EPB41L4B: variants seen among roughly 807,000 people sequenced by gnomAD.
EPB41L4B encodes erythrocyte membrane protein band 4.1 like 4B, also known as band 4.1-like protein 4B.
Under a neutral mutation model 112.5 loss-of-function variants are expected in EPB41L4B, and 30 were observed. The ratio of observed to expected loss-of-function variants is 0.27; its 90% CI spans 0.20 to 0.36. EPB41L4B has a LOEUF of 0.36. EPB41L4B is among the 10% of genes least tolerant of loss of function. The pLI is 1.00. For synonymous variants in EPB41L4B, 408 were observed against 439.7 expected (o/e 0.93, Z 0.90); for missense variants, 1,024 against 1,133.3 (o/e 0.90, Z 1.38).
At chr9:109,255,454 A>C (rs1834941046) in intron 11 of EPB41L4B, 57 bp downstream of exon 11, 2 of 1,592,512 alleles carry the variant, frequency 1.3e-6, no homozygotes, top group African/African-American at 1.3e-5. Flanking sequence ...ACAAGAAAGA[A>C]ATCACAGTTG....
At chr9:109,301,437 G>A (rs1438786325) in intron 1 of EPB41L4B, among the ~76,000 whole-genome samples, 1 of 152,074 alleles carries the variant, frequency 6.6e-6, no homozygotes, top group Admixed American at 6.5e-5. Flanking sequence ...ATGGACTGGT[G>A]TACCCCACAC....
intron 2 of EPB41L4B, among the ~76,000 whole-genome samples, chr9:109,274,388 A>C (rs1396280247): frequency 6.6e-6 from 1 of 151,842 alleles, no homozygotes; most frequent in Non-Finnish European, 1.5e-5. Context: ...ATCAGTGTTC[A>C]CCCTTTCTCT....
At chr9:109,259,561 C>A (rs1015189962) in intron 6 of EPB41L4B, among the ~76,000 whole-genome samples, 5 of 152,190 alleles carry the variant, frequency 3.3e-5, no homozygotes, top group Non-Finnish European at 4.4e-5. Flanking sequence ...ACAGCTCAGA[C>A]ACAAGAGGAC....
Position 109,253,457 on chromosome 9 carries a change from T to A in EPB41L4B, c.1263A>T (p.Arg421Ser). 1 of 1,612,122 alleles carries A rather than the reference T, an allele frequency of 6.2e-7. No homozygotes were observed. Among genetic ancestry groups the A allele is most frequent in the Non-Finnish European group, 8.5e-7 (1 of 1,178,378 alleles). ...ACACACAACCTTTGAACGTTGAATG[T>A]CTCCGGGATGGATAACGTTTACTAG... ...RKPSKRYPSR[R>S]HSTFKASNPV... Residue 421 changes from arginine to serine, a missense_variant, in exon 12 of 26, where the codon AGA becomes AGT. Coordinates refer to ENST00000374566, the MANE Select transcript of EPB41L4B (RefSeq NM_019114.5).
intron 2 of EPB41L4B, among the ~76,000 whole-genome samples, chr9:109,273,696 C>A (rs1835710532): frequency 6.6e-6 from 1 of 152,304 alleles, no homozygotes; most frequent in South Asian, 2.1e-4. Context: ...AGAGCACGGG[C>A]ACCTGAGCCT....
chr9:109,312,518 C>A (rs140295868), intron 1 of EPB41L4B, among the ~76,000 whole-genome samples: 1 of 152,144 alleles, frequency 6.6e-6, no homozygotes, highest in Non-Finnish European at 1.5e-5. Context: ...CTCCCACCCC[C>A]CTCGCCCAGC....
intron 17 of EPB41L4B, among the ~76,000 whole-genome samples, chr9:109,211,466 G>C (rs184542705): frequency 6.6e-6 from 1 of 151,406 alleles, no homozygotes; most frequent in Non-Finnish European, 1.5e-5. Flanking sequence ...GTGGTGGTGC[G>C]TGCCTGTAAT....
chr9:109,294,026 GC>G (rs1836638038), intron 1 of EPB41L4B, among the ~76,000 whole-genome samples: 1 of 152,144 alleles, frequency 6.6e-6, no homozygotes, highest in Non-Finnish European at 1.5e-5. Flanking sequence ...ATCATTGTTG[GC>G]CGGGTGTGGT....
chr9:109,311,837 A>G (rs1837423835), intron 1 of EPB41L4B, among the ~76,000 whole-genome samples: 1 of 152,192 alleles, frequency 6.6e-6, no homozygotes, highest in Non-Finnish European at 1.5e-5. Flanking sequence ...CATACTTACC[A>G]GCAGAGTGGC....
intron 1 of EPB41L4B, chr9:109,307,136 C>A (rs1381703605): frequency 5.4e-6 from 2 of 371,138 alleles, no homozygotes; most frequent in Admixed American, 3.3e-5. Context: ...AGAGCTCATT[C>A]CCTGAAGCGA....
intron 24 of EPB41L4B, among the ~76,000 whole-genome samples, chr9:109,177,535 G>C: frequency 6.6e-6 from 1 of 152,254 alleles, no homozygotes; most frequent in East Asian, 1.9e-4. Context: ...TATAAAAGTA[G>C]ATCAGGCCGG....
intron 15 of EPB41L4B, among the ~76,000 whole-genome samples, chr9:109,237,939 A>G (rs1382125780): frequency 6.6e-6 from 1 of 152,012 alleles, no homozygotes; most frequent in Admixed American, 6.6e-5. Flanking sequence ...GTTAGCAATT[A>G]GATTTCAGTG....
intron 1 of EPB41L4B, among the ~76,000 whole-genome samples, chr9:109,315,063 G>C (rs1251561236): frequency 6.6e-6 from 1 of 152,092 alleles, no homozygotes; most frequent in East Asian, 1.9e-4. Flanking sequence ...GCAATGGCAT[G>C]ACTGGTCTCC....
chr9:109,276,251 T>C (rs1835819860), intron 2 of EPB41L4B, among the ~76,000 whole-genome samples: 1 of 139,026 alleles, frequency 7.2e-6, no homozygotes, highest in African/African-American at 2.7e-5. Context: ...GAAGGCAAAA[T>C]AAGATTTGCA....
At chr9:109,211,587 G>T (rs111693948) in intron 17 of EPB41L4B, among the ~76,000 whole-genome samples, 11,705 of 143,228 alleles carry the variant, frequency 0.082, 587 homozygotes, top group Admixed American at 0.14. Flanking sequence ...AGAGTGAGAC[G>T]CCATCTCAAA....
intron 1 of EPB41L4B, among the ~76,000 whole-genome samples, chr9:109,291,600 G>A (rs1392211787): frequency 2.0e-5 from 3 of 152,188 alleles, no homozygotes; most frequent in Non-Finnish European, 2.9e-5. Context: ...TGACTTGCCA[G>A]GCTAACAATC....
intron 1 of EPB41L4B, among the ~76,000 whole-genome samples, chr9:109,297,946 C>T (rs1376623760): frequency 6.6e-6 from 1 of 152,144 alleles, no homozygotes; most frequent in Non-Finnish European, 1.5e-5. Flanking sequence ...CTGTTAGGGT[C>T]ATAAAACTAT....
chr9:109,264,601 T>C (rs1006314197), intron 5 of EPB41L4B, among the ~76,000 whole-genome samples: 2 of 152,216 alleles, frequency 1.3e-5, no homozygotes, highest in Non-Finnish European at 2.9e-5. Flanking sequence ...TTCCATTACA[T>C]ATATGCAGAT....
intron 15 of EPB41L4B, among the ~76,000 whole-genome samples, chr9:109,229,915 G>GC (rs1198221801): frequency 6.6e-6 from 1 of 152,144 alleles, no homozygotes; most frequent in Non-Finnish European, 1.5e-5. Flanking sequence ...AGGAAGCCCT[G>GC]CCACTAGTCC....
Sources: allele counts gnomAD v4.1 joint callset (sites outside exome capture counted in the v4.1 genomes callset), GRCh38; gene constraint gnomAD v4.1.1; transcripts MANE v1.5; gene names NCBI Gene and HGNC (gene_info 2026-07-23, HGNC 2026-07-21).